B3GALT1: variants seen among roughly 807,000 people sequenced by gnomAD.
The protein encoded by B3GALT1 is UDP-Gal:betaGlcNAc beta 1,3-galactosyltransferase, polypeptide 1.
B3GALT1 carries 10 observed loss-of-function variants against 23.2 expected under a neutral mutation model. The ratio of observed to expected loss-of-function variants is 0.43; its 90% CI spans 0.27 to 0.73. B3GALT1 has a LOEUF of 0.73. B3GALT1 is among the 30% of genes least tolerant of loss of function. The pLI is 0.21. For synonymous variants in B3GALT1, 156 were observed against 141.5 expected, an observed-to-expected ratio of 1.10 and a Z score of -0.73; for missense variants, 299 against 405.4, an observed-to-expected ratio of 0.74 and a Z score of 2.25.
chr2:167,485,921 T>G (rs894168142), intron 1 of B3GALT1, among the ~76,000 whole-genome samples: 5 of 152,198 alleles, frequency 3.3e-5, no homozygotes, highest in African/African-American at 1.2e-4. Context: ...ATACAAGCCC[T>G]GCAGACTGAA....
intron 1 of B3GALT1, among the ~76,000 whole-genome samples, chr2:167,317,243 G>T (rs1446249326): frequency 1.3e-5 from 2 of 152,116 alleles, no homozygotes; most frequent in Non-Finnish European, 2.9e-5. Flanking sequence ...TGCAGACAAT[G>T]TTACAGGATC....
At chr2:167,494,316 C>T (rs778756691) in intron 2 of B3GALT1, among the ~76,000 whole-genome samples, 9 of 149,776 alleles carry the variant, frequency 6.0e-5, no homozygotes, top group African/African-American at 2.0e-4. Flanking sequence ...CAGTTATGGG[C>T]GACAGAGTGA....
chr2:167,729,366 G>A (rs1687371882), intron 3 of B3GALT1, among the ~76,000 whole-genome samples: 1 of 152,216 alleles, frequency 6.6e-6, no homozygotes, highest in African/African-American at 2.4e-5. Context: ...CTGCCAAAGG[G>A]CAAGTACAAA....
intron 1 of B3GALT1, among the ~76,000 whole-genome samples, chr2:167,403,350 A>G (rs943246253): frequency 5.9e-5 from 9 of 151,938 alleles, no homozygotes; most frequent in Non-Finnish European, 8.8e-5. Flanking sequence ...AAGGACATGA[A>G]CTTATCCCTT....
intron 1 of B3GALT1, among the ~76,000 whole-genome samples, chr2:167,413,143 ATG>A (rs1698415920): frequency 6.6e-6 from 1 of 152,036 alleles, no homozygotes; most frequent in Non-Finnish European, 1.5e-5. Flanking sequence ...TGGGTGTACA[ATG>A]ATTGTGTACT....
At chr2:167,453,987 A>G (rs898541621) in intron 1 of B3GALT1, among the ~76,000 whole-genome samples, 1 of 152,176 alleles carries the variant, frequency 6.6e-6, no homozygotes, top group Non-Finnish European at 1.5e-5. Context: ...AGACTCTTGC[A>G]TGGTTACAGT....
intron 1 of B3GALT1, among the ~76,000 whole-genome samples, chr2:167,331,051 A>G (rs900685017): frequency 4.6e-5 from 7 of 151,980 alleles, no homozygotes; most frequent in African/African-American, 9.7e-5. Context: ...TTGGGCTTCA[A>G]TTCTGGATAC....
At position 167,870,857 on chromosome 2, in the gene B3GALT1, A is replaced by G. The variant is rs1690333410; in HGVS notation, c.*837A>G. The G allele has an allele frequency of 6.0e-6, 1 of 167,104 alleles. No individual in the cohort carries two copies. The allele number at this position is 167,104 out of a possible 1,614,324, so 10.4% of individuals were successfully genotyped here. A position where few individuals can be genotyped will look rare whatever the true frequency, so the allele number is the denominator to read the frequency against. The stretch of plus-strand genomic sequence containing the variant: ...TTCACAGTTTTTGGATCTGGCAGGC[A>G]TATGTCTCTATGTAGAAAATAAGTT... On this transcript the variant is annotated 3_prime_UTR_variant, in exon 5 of 5. Coordinates refer to ENST00000392690, the MANE Select transcript of B3GALT1 (RefSeq NM_020981.4).
At chr2:167,483,241 T>C (rs1042704086) in intron 1 of B3GALT1, among the ~76,000 whole-genome samples, 11 of 152,000 alleles carry the variant, frequency 7.2e-5, no homozygotes, top group Non-Finnish European at 1.6e-4. Context: ...TGTGGTGAGC[T>C]GAGATCGCGC....
At chr2:167,519,998 T>C (rs1700164017) in intron 2 of B3GALT1, among the ~76,000 whole-genome samples, 1 of 151,826 alleles carries the variant, frequency 6.6e-6, no homozygotes, top group Non-Finnish European at 1.5e-5. Context: ...TGAGCCAAGA[T>C]TGTGCCACTG....
intron 4 of B3GALT1, among the ~76,000 whole-genome samples, chr2:167,837,374 A>C (rs1689504386): frequency 6.7e-6 from 1 of 149,270 alleles, no homozygotes. Flanking sequence ...CAGGGGTTGC[A>C]ATCTAGTCTC....
At chr2:167,847,679 A>T (rs1222837523) in intron 4 of B3GALT1, among the ~76,000 whole-genome samples, 1 of 152,190 alleles carries the variant, frequency 6.6e-6, no homozygotes, top group Non-Finnish European at 1.5e-5. Context: ...CACCTCAAGG[A>T]ACTAGAGAAA....
intron 3 of B3GALT1, among the ~76,000 whole-genome samples, chr2:167,681,258 AT>A (rs943054827): frequency 1.3e-5 from 2 of 152,160 alleles, no homozygotes; most frequent in Admixed American, 6.5e-5. Flanking sequence ...ATATATATAT[AT>A]TTTTTTAATC....
intron 3 of B3GALT1, among the ~76,000 whole-genome samples, chr2:167,666,844 C>T (rs1686203550): frequency 6.6e-6 from 1 of 152,166 alleles, no homozygotes; most frequent in Non-Finnish European, 1.5e-5. Flanking sequence ...TTATGTGTGT[C>T]TCTGCCTGTG....
At position 167,715,964 on chromosome 2, in the gene B3GALT1, C is replaced by G. The variant is rs930417721; in HGVS notation, c.-352+68998C>G. 3.1e-6 allele frequency: 5 copies of G among 1,612,734 alleles called. No individual in the cohort carries two copies. The African/African-American group carries it at 6.7e-5, about 22-fold the overall frequency. The stretch of plus-strand genomic sequence containing the variant: ...GTTCGCATGGAAAACCATAAGGATT[C>G]GAATCTTGTCTCATACTCTCAGGTA... On this transcript the variant is annotated intron_variant, in intron 3 of 4. Transcript: ENST00000392690.
chr2:167,441,946 G>A lies in B3GALT1; in HGVS notation c.-510-48231G>A, dbSNP rs536166991. Reference sequence around the variant, plus strand: ...CACATTGTGCAGGTTAGTTACATACGTATACATGTGCCATGCTGGTGTGCT... The same window carrying A: ...CACATTGTGCAGGTTAGTTACATACATATACATGTGCCATGCTGGTGTGCT... On this transcript the variant is annotated intron_variant, in intron 1 of 4. Transcript: ENST00000392690. Among the ~76,000 whole-genome samples the A allele has an allele frequency of 2.4e-3, 357 of 151,338 alleles. 3 individuals carry two copies. The highest frequency in any genetic ancestry group is 8.1e-3 in the African/African-American group (331 of 41,110).
At chr2:167,691,584 A>T (rs1686712424) in intron 3 of B3GALT1, among the ~76,000 whole-genome samples, 1 of 152,164 alleles carries the variant, frequency 6.6e-6, no homozygotes. Context: ...TAAAATCTTC[A>T]GGAGGACAGT....
chr2:167,659,838 C>A (rs17641876), intron 3 of B3GALT1, among the ~76,000 whole-genome samples: 1 of 151,850 alleles, frequency 6.6e-6, no homozygotes, highest in Admixed American at 6.6e-5. Context: ...TCTTCTTCCT[C>A]GAGTGGATAA....
chr2:167,529,101 C>T (rs1683273551), intron 2 of B3GALT1, among the ~76,000 whole-genome samples: 1 of 152,058 alleles, frequency 6.6e-6, no homozygotes, highest in African/African-American at 2.4e-5. Context: ...TTTTCATTTA[C>T]TTTATGTGTC....
Sources: allele counts gnomAD v4.1 joint callset (sites outside exome capture counted in the v4.1 genomes callset), GRCh38; gene constraint gnomAD v4.1.1; transcripts MANE v1.5; gene names NCBI Gene and HGNC (gene_info 2026-07-23, HGNC 2026-07-21).